Variants in DNER observed in about 807,000 individuals in gnomAD.
The protein encoded by DNER is delta and Notch-like epidermal growth factor-related receptor.
DNER carries 33 observed loss-of-function variants against 78.2 expected under a neutral mutation model. The observed-to-expected ratio is 0.42, with a 90% CI of 0.32 to 0.56. The LOEUF is 0.56. DNER is among the 20% of genes least tolerant of loss of function. The pLI is 0.11. For synonymous variants in DNER, 417 were observed against 384.8 expected (o/e 1.08, Z -0.98); for missense variants, 918 against 975.3 (o/e 0.94, Z 0.78).
chr2:229,660,322 G>A (rs1412457292), intron 1 of DNER, among the ~76,000 whole-genome samples: 5 of 151,710 alleles, frequency 3.3e-5, no homozygotes, highest in Admixed American at 6.6e-5. Context: ...TCCCCTTTAC[G>A]TGTCCATGTG....
At chr2:229,447,260 T>G in intron 8 of DNER, 56 bp downstream of exon 8, 8 of 1,485,110 alleles carry the variant, frequency 5.4e-6, no homozygotes, top group Non-Finnish European at 6.4e-6. Context: ...AATGGTCTTT[T>G]GAGATTGGTT....
At chr2:229,453,921 A>T (rs1452829962) in intron 7 of DNER, among the ~76,000 whole-genome samples, 2 of 16,076 alleles carry the variant, frequency 1.2e-4, no homozygotes, top group East Asian at 1.1e-3. Context: ...AAAATATATT[A>T]AAAAAAAAAA....
At chr2:229,666,533 T>C (rs1699095351) in intron 1 of DNER, among the ~76,000 whole-genome samples, 1 of 152,332 alleles carries the variant, frequency 6.6e-6, no homozygotes, top group South Asian at 2.1e-4. Flanking sequence ...AAACATGATA[T>C]ATTAAGTAGT....
At chr2:229,543,257 G>A (rs572732168) in intron 5 of DNER, among the ~76,000 whole-genome samples, 13 of 152,270 alleles carry the variant, frequency 8.5e-5, no homozygotes, top group Admixed American at 7.2e-4. Flanking sequence ...TCTTCACCAC[G>A]GCTTTTGATT....
At chr2:229,373,115 C>T (rs115584290) in intron 11 of DNER, among the ~76,000 whole-genome samples, 300 of 152,160 alleles carry the variant, frequency 2.0e-3, no homozygotes, top group Admixed American at 7.1e-3. Flanking sequence ...CCTAATTAAA[C>T]TAAAGAGCAC....
chr2:229,384,801 G>C (rs1278641875), intron 11 of DNER, among the ~76,000 whole-genome samples: 1 of 152,100 alleles, frequency 6.6e-6, no homozygotes, highest in Admixed American at 6.5e-5. Context: ...CCCAGGACCA[G>C]ATGGATTCAC....
intron 6 of DNER, among the ~76,000 whole-genome samples, chr2:229,484,765 T>C (rs1695235539): frequency 6.6e-6 from 1 of 152,174 alleles, no homozygotes; most frequent in African/African-American, 2.4e-5. Flanking sequence ...CAAGGCAAAA[T>C]GTCCTGAACA....
intron 1 of DNER, among the ~76,000 whole-genome samples, chr2:229,656,703 CACTT>C (rs1698918221): frequency 6.6e-6 from 1 of 152,172 alleles, no homozygotes; most frequent in African/African-American, 2.4e-5. Context: ...CACACCTAGA[CACTT>C]ACTCATTCAT....
chr2:229,689,899 G>C (rs1699539574), intron 1 of DNER, among the ~76,000 whole-genome samples: 2 of 152,284 alleles, frequency 1.3e-5, no homozygotes, highest in South Asian at 2.1e-4. Flanking sequence ...ACTCTCTCTA[G>C]CATAACAACC....
At chr2:229,643,046 T>A (rs2154216070) in intron 1 of DNER, among the ~76,000 whole-genome samples, 1 of 152,152 alleles carries the variant, frequency 6.6e-6, no homozygotes, top group African/African-American at 2.4e-5. Flanking sequence ...TGAAACCCCA[T>A]CTCTACAAAA....
chr2:229,477,502 T>C (rs1695061580), intron 6 of DNER, among the ~76,000 whole-genome samples: 1 of 152,232 alleles, frequency 6.6e-6, no homozygotes, highest in Non-Finnish European at 1.5e-5. Flanking sequence ...CCACATTTCT[T>C]CGGCATTAGG....
Position 229,444,592 on chromosome 2 carries a change from A to T in DNER, c.1486+2724T>A, listed in dbSNP as rs186831228. 2.8e-3 allele frequency among the ~76,000 whole-genome samples: 421 copies of T among 152,326 alleles called. 2 individuals are homozygous for T. The highest frequency in any genetic ancestry group is 9.4e-3 in the African/African-American group (391 of 41,568). Reference sequence around the variant, plus strand: ...TTTAAGTTTTAGAAATCAACTAACTATAAGAAAAAGTTTGGGTCAGGCATG... The same window carrying T: ...TTTAAGTTTTAGAAATCAACTAACTTTAAGAAAAAGTTTGGGTCAGGCATG... On this transcript the variant is annotated intron_variant, in intron 8 of 12. Coordinates refer to ENST00000341772, the MANE Select transcript of DNER (RefSeq NM_139072.4).
chr2:229,628,736 G>A (rs184615563), intron 1 of DNER, among the ~76,000 whole-genome samples: 62 of 152,220 alleles, frequency 4.1e-4, no homozygotes, highest in African/African-American at 1.5e-3. Flanking sequence ...AGCTTCCTGA[G>A]GCAGTGTCTA....
chr2:229,519,715 A>G (rs1262168229), intron 5 of DNER, among the ~76,000 whole-genome samples: 1 of 152,112 alleles, frequency 6.6e-6, no homozygotes, highest in Non-Finnish European at 1.5e-5. Context: ...GCGTGTGGGG[A>G]GGCCCTTCAC....
At chr2:229,426,871 A>C (rs1036282875) in intron 8 of DNER, among the ~76,000 whole-genome samples, 1 of 152,234 alleles carries the variant, frequency 6.6e-6, no homozygotes, top group African/African-American at 2.4e-5. Flanking sequence ...AACACACACA[A>C]TAAAGCCAGA....
At chr2:229,683,060 A>C (rs769677317) in intron 1 of DNER, among the ~76,000 whole-genome samples, 8 of 152,364 alleles carry the variant, frequency 5.3e-5, no homozygotes, top group Middle Eastern at 3.4e-3. Context: ...ATTTAATAGC[A>C]TAAAGTTTGA....
chr2:229,689,706 T>C (rs1699537231), intron 1 of DNER, among the ~76,000 whole-genome samples: 1 of 152,176 alleles, frequency 6.6e-6, no homozygotes, highest in Non-Finnish European at 1.5e-5. Flanking sequence ...TCTCCCTGGC[T>C]GCAAGGAAAA....
At chr2:229,370,386 G>T (rs897180730) in intron 11 of DNER, among the ~76,000 whole-genome samples, 1 of 152,218 alleles carries the variant, frequency 6.6e-6, no homozygotes, top group Admixed American at 6.5e-5. Context: ...GAGTCTGCCT[G>T]CCTGAGCTCA....
At chr2:229,483,439 G>A (rs144201389) in intron 6 of DNER, among the ~76,000 whole-genome samples, 262 of 152,320 alleles carry the variant, frequency 1.7e-3, no homozygotes, top group African/African-American at 5.7e-3. Flanking sequence ...TGTGATGATT[G>A]AGAAAAAATG....
Sources: allele counts gnomAD v4.1 joint callset (sites outside exome capture counted in the v4.1 genomes callset), GRCh38; gene constraint gnomAD v4.1.1; transcripts MANE v1.5; gene names NCBI Gene and HGNC (gene_info 2026-07-23, HGNC 2026-07-21).